PRRC2C: variants seen among roughly 807,000 people sequenced by gnomAD.
PRRC2C encodes protein PRRC2C.
A neutral mutation model predicts 317.2 loss-of-function variants in PRRC2C; 72 were observed. The observed-to-expected ratio is 0.23, with a 90% CI of 0.19 to 0.28. PRRC2C has a LOEUF of 0.28. PRRC2C is among the 10% of genes least tolerant of loss of function. PRRC2C has a pLI of 1.00. For synonymous variants in PRRC2C, 1,296 were observed against 1,205.9 expected, an observed-to-expected ratio of 1.07 and a Z score of -1.55; for missense variants, 3,074 against 3,459.7, an observed-to-expected ratio of 0.89 and a Z score of 2.80.
intron 23 of PRRC2C, 147 bp downstream of exon 23, chr1:171,568,486 A>G (rs1684096569): frequency 7.6e-7 from 1 of 1,307,788 alleles, no homozygotes. Flanking sequence ...GGAGTACTGT[A>G]ATATAATTAG....
Position 171,527,814 on chromosome 1 carries a change from G to A in PRRC2C, c.1224G>A (p.Leu408=). The A allele has an allele frequency of 6.3e-7, 1 of 1,582,892 alleles. No individual in the cohort carries two copies. The highest frequency in any genetic ancestry group is 8.6e-7 in the Non-Finnish European group (1 of 1,162,762). ...AGGAACGTGGAACATCTTCACATCT[G>A]CCACCACCTCCAAAGTTGCTTGCAC... ...FNQERGTSSH[L]PPPPKLLAQQ... Residue 408 remains leucine, a synonymous_variant, in exon 11 of 35, where the codon CTG becomes CTA. Transcript: ENST00000647382.
intron 1 of PRRC2C, among the ~76,000 whole-genome samples, chr1:171,486,015 C>A (rs1571493941): frequency 6.6e-6 from 1 of 152,010 alleles, no homozygotes; most frequent in African/African-American, 2.4e-5. Context: ...TTGCTCCCAC[C>A]TAGACCCCAG....
At position 171,549,059 on chromosome 1, in the gene PRRC2C, A is replaced by G. The variant is rs183003313; in HGVS notation, c.4973-1027A>G. 6.6e-5 allele frequency among the ~76,000 whole-genome samples: 10 copies of G among 152,228 alleles called. No homozygotes were observed. The East Asian group carries it at 1.9e-3, about 29-fold the overall frequency. On this transcript the variant is annotated intron_variant, in intron 17 of 34. Transcript: ENST00000647382. Reference sequence around the variant, plus strand: ...GGTTTCACTGTGTTGCCCATAACATATATTTATTTTTAACAACTCCACACT... The same window carrying G: ...GGTTTCACTGTGTTGCCCATAACATGTATTTATTTTTAACAACTCCACACT...
At chr1:171,550,770 A>G (rs1205310250) in intron 18 of PRRC2C, among the ~76,000 whole-genome samples, 1 of 152,104 alleles carries the variant, frequency 6.6e-6, no homozygotes, top group Non-Finnish European at 1.5e-5. Context: ...TTCCAGCTTC[A>G]TCCATGTCCC....
intron 31 of PRRC2C, 27 bp from the exon 32 acceptor site, chr1:171,587,621 T>G (rs777758406): frequency 2.7e-6 from 4 of 1,469,968 alleles, no homozygotes; most frequent in Non-Finnish European, 2.8e-6. Flanking sequence ...TAAAGAAATG[T>G]TAAGTTTATT....
At chr1:171,544,842 A>G (rs1004826016) in intron 16 of PRRC2C, among the ~76,000 whole-genome samples, 5 of 152,224 alleles carry the variant, frequency 3.3e-5, no homozygotes, top group Non-Finnish European at 5.9e-5. Context: ...GTAATACTAT[A>G]GGCTAAGATG....
At chr1:171,575,924 A>G (rs1358328211) in intron 25 of PRRC2C, among the ~76,000 whole-genome samples, 1 of 152,150 alleles carries the variant, frequency 6.6e-6, no homozygotes, top group African/African-American at 2.4e-5. Flanking sequence ...TTCTCATTCA[A>G]TATTGCTTTT....
chr1:171,571,343 C>T lies in PRRC2C; in HGVS notation c.6675C>T (p.Pro2225=). Reference sequence around the variant, plus strand: ...AGGTGCCCCTGCCCAACACCCTTCCCCTCCCTAAGAGGGAGACTATACAAC... The same window carrying T: ...AGGTGCCCCTGCCCAACACCCTTCCTCTCCCTAAGAGGGAGACTATACAAC... ...VNNVPLPNTL[P]LPKRETIQQS... The change falls in exon 24 of 35, where the codon CCC becomes CCT. Residue 2225 remains proline (P), a synonymous_variant. Transcript: ENST00000647382. 6.2e-7 allele frequency: 1 copy of T among 1,610,564 alleles called. No homozygotes were observed. Among genetic ancestry groups the T allele is most frequent in the Non-Finnish European group, 8.5e-7 (1 of 1,176,876 alleles).
intron 1 of PRRC2C, among the ~76,000 whole-genome samples, chr1:171,488,426 G>A (rs1233284942): frequency 1.3e-5 from 2 of 152,238 alleles, no homozygotes; most frequent in South Asian, 2.1e-4. Context: ...TAAATTCCTC[G>A]CTAATCTCAT....
chr1:171,486,339 T>C (rs1410112171), intron 1 of PRRC2C, among the ~76,000 whole-genome samples: 2 of 151,882 alleles, frequency 1.3e-5, no homozygotes, highest in Non-Finnish European at 2.9e-5. Context: ...GAGGAGGATT[T>C]GGGTAGTCTT....
rs369491876 is a variant in PRRC2C at position 171,591,730 on chromosome 1, G to T, written c.8580G>T (p.Gly2860=). ...KPPETLTDPP[G]VCQEKVEEKP... is the part of the protein sequence containing the mutation. ...CTGAAACACTGACCGACCCTCCTGG[G>T]GTCTGTCAGGAAAAAGTAGAAGAAA... is the stretch of plus-strand genomic sequence containing the variant. The change falls in exon 35 of 35, where the codon GGG becomes GGT. Residue 2860 remains glycine, a synonymous_variant. Transcript: ENST00000647382. The T allele has an allele frequency of 1.2e-4, 190 of 1,613,792 alleles. 1 individual carries two copies. In the African/African-American group the frequency reaches 2.3e-3, roughly 20 times the overall value.
rs1571701387 is a variant in PRRC2C, at chr1:171,514,421, A to C, written c.291-115A>C. The C allele has an allele frequency of 4.2e-6, 3 of 715,426 alleles. No individual in the cohort carries two copies. In the Admixed American group the frequency reaches 9.6e-5, roughly 23 times the overall value. 44.3% of individuals were successfully genotyped at this position (715,426 alleles called of 1,614,324 possible). A position where few individuals can be genotyped will look rare whatever the true frequency, so the allele number is the denominator to read the frequency against. Reference sequence around the variant, plus strand: ...GAGAGAAAACATTTATTGGAGATTTACCAATGAATAAACATATAGCCAAAA... The same window carrying C: ...GAGAGAAAACATTTATTGGAGATTTCCCAATGAATAAACATATAGCCAAAA... On this transcript the variant is annotated intron_variant, in intron 3 of 34. Coordinates refer to ENST00000647382, the MANE Select transcript of PRRC2C (RefSeq NM_001387844.1).
intron 18 of PRRC2C, among the ~76,000 whole-genome samples, 155 bp downstream of exon 18, chr1:171,550,395 G>C (rs940317741): frequency 6.6e-6 from 1 of 151,126 alleles, no homozygotes; most frequent in Non-Finnish European, 1.5e-5. Flanking sequence ...ATTTTGACCA[G>C]AATCAAAGGA....
intron 4 of PRRC2C, 54 bp from the exon 5 acceptor site, chr1:171,515,680 G>A: frequency 7.1e-7 from 1 of 1,407,012 alleles, no homozygotes; most frequent in Non-Finnish European, 9.6e-7. Flanking sequence ...AGGGTGGTTT[G>A]TATTATCTTC....
chr1:171,536,461 A>T (rs1676852780), intron 14 of PRRC2C, among the ~76,000 whole-genome samples, 183 bp downstream of exon 14: 1 of 152,244 alleles, frequency 6.6e-6, no homozygotes, highest in Non-Finnish European at 1.5e-5. Context: ...ATGTGGCAAG[A>T]ACAAAATACT....
At chr1:171,571,473 C>T in intron 24 of PRRC2C, 52 bp downstream of exon 24, 1 of 1,294,424 alleles carries the variant, frequency 7.7e-7, no homozygotes, top group Non-Finnish European at 1.1e-6. Flanking sequence ...TGCAAGGGGA[C>T]ATAAGTTAAC....
chr1:171,507,854 G>T (rs935653402), intron 1 of PRRC2C, among the ~76,000 whole-genome samples: 2 of 152,104 alleles, frequency 1.3e-5, no homozygotes, highest in East Asian at 1.9e-4. Flanking sequence ...CAGTGTATGG[G>T]TATTTTGCTC....
intron 19 of PRRC2C, among the ~76,000 whole-genome samples, chr1:171,559,038 C>A (rs1682035228): frequency 6.6e-6 from 1 of 152,176 alleles, no homozygotes; most frequent in African/African-American, 2.4e-5. Context: ...TGTTCTATCT[C>A]TATTCAATTC....
intron 1 of PRRC2C, among the ~76,000 whole-genome samples, chr1:171,507,631 C>T (rs929785870): frequency 6.6e-5 from 10 of 152,136 alleles, no homozygotes; most frequent in Non-Finnish European, 1.5e-4. Context: ...AAATCTCTAC[C>T]TAATGCCTGG....
Sources: allele counts gnomAD v4.1 joint callset (sites outside exome capture counted in the v4.1 genomes callset), GRCh38; gene constraint gnomAD v4.1.1; transcripts MANE v1.5; gene names NCBI Gene and HGNC (gene_info 2026-07-23, HGNC 2026-07-21).